Variants in RALGAPA2 observed in about 807,000 individuals in gnomAD.
The protein encoded by RALGAPA2 is ral GTPase-activating protein subunit alpha-2.
RALGAPA2 carries 139 observed loss-of-function variants against 230.4 expected under a neutral mutation model. That is an observed-to-expected ratio of 0.60 (90% CI 0.53 to 0.69). RALGAPA2 has a LOEUF of 0.69. RALGAPA2 is among the 30% of genes least tolerant of loss of function. The pLI, the probability that RALGAPA2 is intolerant of heterozygous loss-of-function variation, is 0.00. For synonymous variants in RALGAPA2, 847 were observed against 837.8 expected (o/e 1.01, Z -0.19); for missense variants, 2,163 against 2,276.0 (o/e 0.95, Z 1.01).
At chr20:20,541,235 T>C (rs1328076239) in intron 24 of RALGAPA2, among the ~76,000 whole-genome samples, 4 of 152,036 alleles carry the variant, frequency 2.6e-5, no homozygotes, top group Non-Finnish European at 5.9e-5. Flanking sequence ...AGCAGTTCCC[T>C]CTTATTTAAA....
At chr20:20,619,248 G>A in intron 12 of RALGAPA2, 29 bp downstream of exon 12, 1 of 1,565,670 alleles carries the variant, frequency 6.4e-7, no homozygotes, top group Non-Finnish European at 8.7e-7. Flanking sequence ...GGCGGTGGAG[G>A]GGTCTTCATG....
chr20:20,680,593 G>T, intron 2 of RALGAPA2, 98 bp downstream of exon 2: 1 of 1,398,818 alleles, frequency 7.1e-7, no homozygotes, highest in Non-Finnish European at 9.3e-7. Flanking sequence ...GGCTTGGCAA[G>T]AAAGAAAGCT....
At chr20:20,542,729 C>CGGT (rs1306801119) in intron 24 of RALGAPA2, among the ~76,000 whole-genome samples, 4 of 152,090 alleles carry the variant, frequency 2.6e-5, no homozygotes, top group Non-Finnish European at 5.9e-5. Context: ...GAAACTGGAC[C>CGGT]CCTTCTTTAC....
intron 3 of RALGAPA2, among the ~76,000 whole-genome samples, chr20:20,661,872 A>ATAAT (rs1289166933): frequency 6.6e-6 from 1 of 152,246 alleles, no homozygotes; most frequent in Non-Finnish European, 1.5e-5. Flanking sequence ...ATTATTTCAA[A>ATAAT]TAGGTTAAAT....
chr20:20,511,298 A>G lies in RALGAPA2; in HGVS notation c.4884T>C (p.Asn1628=). The stretch of plus-strand genomic sequence containing the variant: ...TTTTCAGCTCTCTCAATAATTTTGA[A>G]TTTTTCTTCAATAGATGAAAATTCT... ...RRKNFHLLKK[N]SKLLRELKNL... is the part of the protein sequence containing the mutation. The change falls in exon 33 of 40, where the codon AAT becomes AAC. Residue 1628 remains asparagine (N), a synonymous_variant. Coordinates refer to ENST00000202677, the MANE Select transcript of RALGAPA2 (RefSeq NM_020343.4). The G allele has an allele frequency of 6.4e-7, 1 of 1,563,778 alleles. No individual in the cohort carries two copies. Among genetic ancestry groups the G allele is most frequent in the Non-Finnish European group, 8.7e-7 (1 of 1,153,106 alleles).
intron 37 of RALGAPA2, among the ~76,000 whole-genome samples, chr20:20,441,511 C>T (rs907815288): frequency 6.6e-6 from 1 of 152,208 alleles, no homozygotes; most frequent in African/African-American, 2.4e-5. Context: ...AGGACAGCAG[C>T]AGAAGCAAGC....
chr20:20,670,345 A>T (rs2068092911), intron 3 of RALGAPA2, among the ~76,000 whole-genome samples: 1 of 152,262 alleles, frequency 6.6e-6, no homozygotes, highest in South Asian at 2.1e-4. Flanking sequence ...TTCTAGAGTT[A>T]GACTAAAGGT....
At chr20:20,505,680 T>C in intron 33 of RALGAPA2, 146 bp from the exon 34 acceptor site, 1 of 644,052 alleles carries the variant, frequency 1.6e-6, no homozygotes, top group Non-Finnish European at 2.5e-6. Flanking sequence ...TGAGATGGTC[T>C]GACACATAGT....
chr20:20,547,691 C>T (rs1196713005), intron 23 of RALGAPA2, among the ~76,000 whole-genome samples: 1 of 152,120 alleles, frequency 6.6e-6, no homozygotes, highest in Admixed American at 6.5e-5. Flanking sequence ...AACCACAAAC[C>T]ACAAACTTAT....
chr20:20,647,571 T>C (rs1197217140), intron 4 of RALGAPA2, among the ~76,000 whole-genome samples: 1 of 152,338 alleles, frequency 6.6e-6, no homozygotes, highest in East Asian at 1.9e-4. Flanking sequence ...GTGTTACACA[T>C]GACATCAAAA....
At chr20:20,552,433 A>C (rs1234193545) in intron 23 of RALGAPA2, among the ~76,000 whole-genome samples, 3 of 152,226 alleles carry the variant, frequency 2.0e-5, no homozygotes, top group African/African-American at 7.2e-5. Flanking sequence ...AACACTACAC[A>C]GTTAGATGAA....
rs538901792 is a variant in RALGAPA2 at position 20,505,664 on chromosome 20, G to C, written c.4929-130C>G. 5 of 762,390 alleles carry C rather than the reference G, an allele frequency of 6.6e-6. No homozygotes were observed. The South Asian group carries it at 8.6e-5, about 13-fold the overall frequency. The allele number at this position is 762,390 out of a possible 1,614,324, so 47.2% of individuals were successfully genotyped here. A position where few individuals can be genotyped will look rare whatever the true frequency, so the allele number is the denominator to read the frequency against. On this transcript the variant is annotated intron_variant, in intron 33 of 39. Coordinates refer to ENST00000202677, the MANE Select transcript of RALGAPA2 (RefSeq NM_020343.4). ...CTGAGAACCTGCTAGAGGTCAGTCA[G>C]TGTTCTGAGATGGTCTGACACATAG...
chr20:20,413,336 T>G (rs988282741), intron 37 of RALGAPA2, among the ~76,000 whole-genome samples: 2 of 152,252 alleles, frequency 1.3e-5, no homozygotes, highest in African/African-American at 4.8e-5. Context: ...AATGGTCAAA[T>G]ACTTTTCTGC....
chr20:20,485,089 ATTAG>A (rs1453703014), intron 36 of RALGAPA2, among the ~76,000 whole-genome samples: 1 of 146,500 alleles, frequency 6.8e-6, no homozygotes, highest in African/African-American at 2.5e-5. Flanking sequence ...ATTAGCTATT[ATTAG>A]TGTTAGTGTA....
intron 1 of RALGAPA2, among the ~76,000 whole-genome samples, chr20:20,699,881 T>G (rs1431479845): frequency 6.6e-6 from 1 of 152,172 alleles, no homozygotes; most frequent in Non-Finnish European, 1.5e-5. Context: ...GCTCAGCCAA[T>G]GTGGAAAGCA....
chr20:20,567,468 A>AT (rs990892798), intron 23 of RALGAPA2, among the ~76,000 whole-genome samples: 9 of 152,198 alleles, frequency 5.9e-5, no homozygotes, highest in African/African-American at 2.2e-4. Context: ...GGGTAGTTTA[A>AT]TAAGGAGGAT....
Position 20,546,788 on chromosome 20 carries a change from G to C in RALGAPA2, c.3201C>G (p.Phe1067Leu), listed in dbSNP as rs1426143967. Residue 1067 changes from phenylalanine (F) to leucine (L), a missense_variant, in exon 24 of 40, where the codon TTC becomes TTG. Physicochemically the swap from Phe to Leu is conservative, Grantham distance 22. Coordinates refer to ENST00000202677, the MANE Select transcript of RALGAPA2 (RefSeq NM_020343.4). ...TIIRHCPPRF[F>L]SLGFPGFSML... is the part of the protein sequence containing the mutation. ...TTGAGAAGCCAGGAAAACCCAGGGA[G>C]AAAAAGCGGGGTGGACAGTGCCTTA... 2 of 1,611,000 alleles carry C rather than the reference G, an allele frequency of 1.2e-6. No individual in the cohort carries two copies. Among genetic ancestry groups the C allele is most frequent in the South Asian group, 1.1e-5 (1 of 90,580 alleles).
chr20:20,600,861 G>A (rs1282495738), intron 16 of RALGAPA2, among the ~76,000 whole-genome samples: 1 of 152,202 alleles, frequency 6.6e-6, no homozygotes, highest in Admixed American at 6.5e-5. Context: ...CAGCATTTTG[G>A]GAGGCCGAGG....
chr20:20,707,723 T>C (rs1260277141), intron 1 of RALGAPA2, among the ~76,000 whole-genome samples: 2 of 152,074 alleles, frequency 1.3e-5, no homozygotes, highest in Non-Finnish European at 2.9e-5. Context: ...TTGACCTGAG[T>C]CTGGCTTCTG....
Sources: gnomAD v4.1 joint callset for allele counts (sites outside exome capture counted in the v4.1 genomes callset) on GRCh38, gnomAD v4.1.1 for gene constraint, MANE v1.5 for transcripts, NCBI Gene and HGNC (gene_info 2026-07-23, HGNC 2026-07-21) for gene names.